Variants in C1QTNF3 observed in about 807,000 individuals in gnomAD.
C1QTNF3 encodes complement C1q tumor necrosis factor-related protein 3.
A neutral mutation model predicts 32.6 loss-of-function variants in C1QTNF3; 26 were observed. The ratio of observed to expected loss-of-function variants is 0.80; its 90% CI spans 0.58 to 1.11. The LOEUF (loss-of-function observed/expected upper bound fraction) is 1.11. Among genes scored for constraint, C1QTNF3 ranks in the 50% least tolerant of loss-of-function variants. The pLI, the probability that C1QTNF3 is intolerant of heterozygous loss-of-function variation, is 0.00. For synonymous variants in C1QTNF3, 155 were observed against 146.0 expected, an observed-to-expected ratio of 1.06 and a Z score of -0.44; for missense variants, 362 against 398.2, an observed-to-expected ratio of 0.91 and a Z score of 0.77.
the C1QTNF3 span, among the ~76,000 whole-genome samples, chr5:34,237,103 G>A: frequency 6.6e-6 from 1 of 152,138 alleles, no homozygotes; most frequent in African/African-American, 2.4e-5. Flanking sequence ...GGTTATTAGA[G>A]TCACACACCA....
At chr5:34,169,996 T>C in the C1QTNF3 span, among the ~76,000 whole-genome samples, 3 of 152,200 alleles carry the variant, frequency 2.0e-5, no homozygotes, top group South Asian at 6.2e-4. Context: ...ATTTATAGCA[T>C]CATTTTTCAC....
chr5:34,207,275 GATAT>G, the C1QTNF3 span, among the ~76,000 whole-genome samples: 8 of 143,130 alleles, frequency 5.6e-5, no homozygotes, highest in African/African-American at 1.0e-4. Flanking sequence ...TCAAATTTGA[GATAT>G]ATATATATAT....
the C1QTNF3 span, among the ~76,000 whole-genome samples, chr5:34,083,749 T>C: frequency 6.6e-6 from 1 of 151,820 alleles, no homozygotes; most frequent in Non-Finnish European, 1.5e-5. Flanking sequence ...AACAAACCTC[T>C]TCCATTTCCA....
the C1QTNF3 span, among the ~76,000 whole-genome samples, chr5:34,140,486 A>C: frequency 6.6e-6 from 1 of 152,248 alleles, no homozygotes; most frequent in Non-Finnish European, 1.5e-5. Context: ...TAAGAATAAA[A>C]CTTGTTAAAG....
chr5:34,173,542 C>A, the C1QTNF3 span, among the ~76,000 whole-genome samples: 1 of 131,016 alleles, frequency 7.6e-6, no homozygotes, highest in East Asian at 2.1e-4. Flanking sequence ...ACCATAAAAT[C>A]AATTTCCCAT....
the C1QTNF3 span, among the ~76,000 whole-genome samples, chr5:34,090,721 C>A: frequency 6.6e-6 from 1 of 152,010 alleles, no homozygotes; most frequent in African/African-American, 2.4e-5. Context: ...AATTAGTGCC[C>A]TTATAAAAGA....
chr5:34,177,234 T>A, the C1QTNF3 span, among the ~76,000 whole-genome samples: 2 of 152,290 alleles, frequency 1.3e-5, no homozygotes, highest in Admixed American at 1.3e-4. Flanking sequence ...GTTAACCTAG[T>A]CATATATCAA....
the C1QTNF3 span, among the ~76,000 whole-genome samples, chr5:34,107,154 A>G: frequency 1.0e-5 from 1 of 100,110 alleles, no homozygotes; most frequent in African/African-American, 4.3e-5. Context: ...TGCTGAATAT[A>G]CTTGTAAAGA....
chr5:34,223,430 T>G, the C1QTNF3 span, among the ~76,000 whole-genome samples: 2 of 147,418 alleles, frequency 1.4e-5, no homozygotes, highest in Non-Finnish European at 3.0e-5. Flanking sequence ...TGTTGGACAT[T>G]TGGGTTGGTT....
chr5:34,060,317 C>G, the C1QTNF3 span, among the ~76,000 whole-genome samples: 158 of 152,302 alleles, frequency 1.0e-3, no homozygotes, highest in Middle Eastern at 6.8e-3. Context: ...GTATCGCCTA[C>G]TACACACCTA....
chr5:34,217,812 T>C, the C1QTNF3 span, among the ~76,000 whole-genome samples: 6 of 152,020 alleles, frequency 3.9e-5, no homozygotes, highest in African/African-American at 1.4e-4. Flanking sequence ...CAGGCAAAAA[T>C]AGCAACATTA....
chr5:34,171,720 T>C, the C1QTNF3 span, among the ~76,000 whole-genome samples: 1 of 152,076 alleles, frequency 6.6e-6, no homozygotes, highest in African/African-American at 2.4e-5. Flanking sequence ...AGTAAAGTGG[T>C]TTCATTTACC....
chr5:34,097,197 G>C, the C1QTNF3 span, among the ~76,000 whole-genome samples: 6 of 151,256 alleles, frequency 4.0e-5, no homozygotes, highest in South Asian at 4.2e-4. Flanking sequence ...CATTTTAGTA[G>C]GCACAAAAAA....
chr5:34,115,756 C>G, the C1QTNF3 span, among the ~76,000 whole-genome samples: 1 of 151,086 alleles, frequency 6.6e-6, no homozygotes, highest in Non-Finnish European at 1.5e-5. Context: ...AAACTTTCAG[C>G]TGGTATGTCT....
At chr5:34,073,235 G>A in the C1QTNF3 span, among the ~76,000 whole-genome samples, 1 of 151,962 alleles carries the variant, frequency 6.6e-6, no homozygotes, top group African/African-American at 2.4e-5. Flanking sequence ...GCTGAGGCAG[G>A]AGAATGGCGT....
chr5:34,100,560 T>C, the C1QTNF3 span, among the ~76,000 whole-genome samples: 1 of 151,046 alleles, frequency 6.6e-6, no homozygotes, highest in Non-Finnish European at 1.5e-5. Flanking sequence ...ATTAATATCA[T>C]TATTATTATA....
chr5:34,072,417 G>GAA, the C1QTNF3 span, among the ~76,000 whole-genome samples: 1 of 148,822 alleles, frequency 6.7e-6, no homozygotes, highest in Admixed American at 6.7e-5. Context: ...AAGAAAGAAA[G>GAA]AAAGAACAGA....
the C1QTNF3 span, among the ~76,000 whole-genome samples, chr5:34,204,342 C>T: frequency 6.6e-6 from 1 of 152,130 alleles, no homozygotes; most frequent in Non-Finnish European, 1.5e-5. Flanking sequence ...TTCACAATAG[C>T]AATGTGTCCC....
the C1QTNF3 span, among the ~76,000 whole-genome samples, chr5:34,077,537 T>TA: frequency 6.6e-6 from 1 of 151,638 alleles, no homozygotes; most frequent in East Asian, 1.9e-4. Flanking sequence ...AACCTGGAAT[T>TA]AAAAAAAATC....
Sources: allele counts gnomAD v4.1 joint callset (sites outside exome capture counted in the v4.1 genomes callset), GRCh38; gene constraint gnomAD v4.1.1; transcripts MANE v1.5; gene names NCBI Gene and HGNC (gene_info 2026-07-23, HGNC 2026-07-21).